Variants in LZTFL1 observed in about 807,000 individuals in gnomAD.
The protein encoded by LZTFL1 is leucine zipper transcription factor like 1.
LZTFL1 carries 25 observed loss-of-function variants against 45.9 expected under a neutral mutation model. The observed-to-expected ratio is 0.54, with a 90% CI of 0.40 to 0.76. The LOEUF (loss-of-function observed/expected upper bound fraction) is 0.76. Among genes scored for constraint, LZTFL1 ranks in the 30% least tolerant of loss-of-function variants. The pLI is 0.00. For synonymous variants in LZTFL1, 93 were observed against 117.4 expected, an observed-to-expected ratio of 0.79 and a Z score of 1.35; for missense variants, 277 against 331.1, an observed-to-expected ratio of 0.84 and a Z score of 1.27.
chr3:45,903,802 G>A (rs1311012405), intron 2 of LZTFL1, among the ~76,000 whole-genome samples: 2 of 152,206 alleles, frequency 1.3e-5, no homozygotes, highest in Admixed American at 1.3e-4. Flanking sequence ...CACTGGCACT[G>A]CATCCGTAGT....
At chr3:45,845,945 G>A (rs1701211158), upstream of LZTFL1, among the ~76,000 whole-genome samples, 1 of 152,170 alleles carries the variant, frequency 6.6e-6, no homozygotes, top group South Asian at 2.1e-4. Context: ...CAGCTTATAT[G>A]AGTTTGTCTT....
intron 7 of LZTFL1, among the ~76,000 whole-genome samples, chr3:45,830,704 C>T (rs776752365): frequency 6.6e-6 from 1 of 152,096 alleles, no homozygotes; most frequent in Non-Finnish European, 1.5e-5. Context: ...TGTACTGTCC[C>T]CTCTGCCCTA....
chr3:45,883,620 A>G (rs1368852001), intron 2 of LZTFL1: 2 of 387,622 alleles, frequency 5.2e-6, no homozygotes, highest in Non-Finnish European at 9.9e-6. Flanking sequence ...TCTTCAAAGT[A>G]TAAGTCAAAA....
upstream of LZTFL1, among the ~76,000 whole-genome samples, chr3:45,846,859 T>C (rs1204368177): frequency 6.6e-6 from 1 of 152,180 alleles, no homozygotes; most frequent in Non-Finnish European, 1.5e-5. Flanking sequence ...AATTTCTGTC[T>C]GACTTTTTCT....
chr3:45,892,303 A>G (rs1702205558), intron 2 of LZTFL1, among the ~76,000 whole-genome samples: 2 of 152,220 alleles, frequency 1.3e-5, no homozygotes, highest in South Asian at 4.1e-4. Flanking sequence ...AAAACATGGA[A>G]TCAACCTAAA....
chr3:45,837,913 T>C lies in LZTFL1; in HGVS notation c.128+14A>G, dbSNP rs1157329734. 8 of 1,597,538 alleles carry C rather than the reference T, an allele frequency of 5.0e-6. No homozygotes were observed. The highest frequency in any genetic ancestry group is 6.0e-6 in the Non-Finnish European group (7 of 1,174,828). On this transcript the variant is annotated intron_variant, in intron 2 of 9. Coordinates refer to ENST00000296135, the MANE Select transcript of LZTFL1 (RefSeq NM_020347.4). ...ATGTTCCTATTTGGTTTGCTTAGAG[T>C]CCTCCTCTGATACCTGCTCTCCTTG... is the stretch of plus-strand genomic sequence containing the variant.
chr3:45,834,283 T>G lies in LZTFL1; in HGVS notation c.339A>C (p.Gln113His). 6.3e-7 allele frequency: 1 copy of G among 1,590,716 alleles called. No homozygotes were observed. Among genetic ancestry groups the G allele is most frequent in the Non-Finnish European group, 8.6e-7 (1 of 1,161,234 alleles). ...SELENRELLE[Q>H]VAEFEKAEIT... is the part of the protein sequence containing the mutation. ...TCTCTGCTTTTTCAAATTCTGCAAC[T>G]TGTTCTAATAATTCTCTTGAAGAAG... The change falls in exon 4 of 10, where the codon CAA becomes CAC. Residue 113 changes from glutamine (Q) to histidine (H), a missense_variant. Transcript: ENST00000296135.
Position 45,842,036 on chromosome 3 carries a change from G to A in LZTFL1, c.-45C>T. The A allele has an allele frequency of 1.2e-6, 2 of 1,601,412 alleles. 1 individual carries two copies. On this transcript the variant is annotated 5_prime_UTR_variant, in exon 1 of 10. Coordinates refer to ENST00000296135, the MANE Select transcript of LZTFL1 (RefSeq NM_020347.4). Reference sequence around the variant, plus strand: ...AGCCTAAAGGAACGGGAGAGGCCAGGCGGTGCCCCGCCAAGCCTGGGATCG... The same window carrying A: ...AGCCTAAAGGAACGGGAGAGGCCAGACGGTGCCCCGCCAAGCCTGGGATCG...
rs771231077 is a variant in LZTFL1 at position 45,897,552 on chromosome 3, C to T, written c.-215+15568G>A. 24 of 1,528,710 alleles carry T rather than the reference C, an allele frequency of 1.6e-5. No individual in the cohort carries two copies. The South Asian group carries it at 2.7e-4, about 17-fold the overall frequency. The allele number at this position is 1,528,710 out of a possible 1,614,324, so 94.7% of individuals were successfully genotyped here. ...TTTCTGCACAATTTCTCCCATTCTGCTCCTGCAGTCTCCTCCAGGCCCCGC... is the reference window on the plus strand; with the variant it reads ...TTTCTGCACAATTTCTCCCATTCTGTTCCTGCAGTCTCCTCCAGGCCCCGC... On this transcript the variant is annotated intron_variant, in intron 2 of 4. Coordinates refer to the LZTFL1 transcript ENST00000472635.
At chr3:45,889,474 C>A (rs1470649284) in intron 2 of LZTFL1, among the ~76,000 whole-genome samples, 1 of 152,034 alleles carries the variant, frequency 6.6e-6, no homozygotes, top group Non-Finnish European at 1.5e-5. Context: ...AACGTTAGAG[C>A]ATTGGGCTTC....
chr3:45,824,764 G>A lies in LZTFL1; in HGVS notation c.*1550C>T, dbSNP rs1700621329. The A allele has an allele frequency of 5.0e-6, 2 of 398,024 alleles. No homozygotes were observed. Among genetic ancestry groups the A allele is most frequent in the Admixed American group, 8.8e-5 (2 of 22,706 alleles). 24.7% of individuals were successfully genotyped at this position (398,024 alleles called of 1,614,324 possible). On this transcript the variant is annotated 3_prime_UTR_variant, in exon 10 of 10. Transcript: ENST00000296135. The stretch of plus-strand genomic sequence containing the variant: ...AGAACATCTTGGTCCACAGACAATG[G>A]AATGGATTTTTGGAGAGAGTGTCAA...
At chr3:45,913,088 A>T (rs1702830624) in intron 2 of LZTFL1, 1 of 1,532,276 alleles carries the variant, frequency 6.5e-7, no homozygotes, top group Admixed American at 2.0e-5. Flanking sequence ...ACGCAGTAGC[A>T]GTAATATGTT....
At chr3:45,913,016 T>C in intron 2 of LZTFL1, 1 of 1,174,292 alleles carries the variant, frequency 8.5e-7, no homozygotes, top group Non-Finnish European at 1.2e-6. Context: ...CATCAGATAA[T>C]CTAAATTCAA....
At chr3:45,846,535 T>G (rs1002321246), upstream of LZTFL1, among the ~76,000 whole-genome samples, 3 of 152,218 alleles carry the variant, frequency 2.0e-5, no homozygotes, top group Non-Finnish European at 4.4e-5. Context: ...TGCTGTTGAC[T>G]GGAAGCCTTA....
intron 1 of LZTFL1, among the ~76,000 whole-genome samples, chr3:45,913,540 T>A (rs1337965961): frequency 6.6e-6 from 1 of 152,186 alleles, no homozygotes; most frequent in Non-Finnish European, 1.5e-5. Context: ...CGAGTGGAGA[T>A]AAACATAAAT....
chr3:45,883,454 A>G (rs1437720068), intron 2 of LZTFL1, among the ~76,000 whole-genome samples: 1 of 152,270 alleles, frequency 6.6e-6, no homozygotes, highest in Non-Finnish European at 1.5e-5. Flanking sequence ...TTTCTTGGAC[A>G]TAATTCTTCT....
chr3:45,852,451 A>T (rs1701323241), intron 4 of LZTFL1, among the ~76,000 whole-genome samples: 1 of 152,230 alleles, frequency 6.6e-6, no homozygotes. Flanking sequence ...TGACTAAATG[A>T]ATTATGGAGC....
chr3:45,890,840 C>T (rs1019963962), intron 2 of LZTFL1, among the ~76,000 whole-genome samples: 10 of 152,228 alleles, frequency 6.6e-5, no homozygotes, highest in African/African-American at 2.4e-4. Context: ...GGCACAGCCC[C>T]TGTCGGAATG....
chr3:45,837,875 C>T, intron 2 of LZTFL1, 52 bp downstream of exon 2: 1 of 1,536,880 alleles, frequency 6.5e-7, no homozygotes, highest in South Asian at 1.3e-5. Flanking sequence ...ATACTGGCTA[C>T]CAGAAAGAAT....
Sources: gnomAD v4.1 joint callset for allele counts (sites outside exome capture counted in the v4.1 genomes callset) on GRCh38, gnomAD v4.1.1 for gene constraint, MANE v1.5 for transcripts, NCBI Gene and HGNC (gene_info 2026-07-23, HGNC 2026-07-21) for gene names.